The following PLCB4 variants were observed in gnomAD, a reference collection of about 807,000 sequenced individuals.
PLCB4 encodes phospholipase C beta 4.
In PLCB4, 77 loss-of-function variants were observed where a neutral mutation model predicts 178.8. That is an observed-to-expected ratio of 0.43 (90% CI 0.36 to 0.52). The LOEUF (loss-of-function observed/expected upper bound fraction) is 0.52. Among genes scored for constraint, PLCB4 ranks in the 20% least tolerant of loss-of-function variants. The pLI, the probability that PLCB4 is intolerant of heterozygous loss-of-function variation, is 0.00. For synonymous variants in PLCB4, 496 were observed against 490.8 expected, an observed-to-expected ratio of 1.01 and a Z score of -0.14; for missense variants, 1,024 against 1,453.4, an observed-to-expected ratio of 0.70 and a Z score of 4.80.
chr20:9,225,132 T>C (rs1361660868), intron 3 of PLCB4, among the ~76,000 whole-genome samples: 2 of 152,204 alleles, frequency 1.3e-5, no homozygotes, highest in Non-Finnish European at 2.9e-5. Context: ...GCTAGTAGCA[T>C]AAAGTGTTCA....
chr20:9,296,769 A>G (rs1401589976), intron 3 of PLCB4, among the ~76,000 whole-genome samples: 1 of 152,132 alleles, frequency 6.6e-6, no homozygotes, highest in Non-Finnish European at 1.5e-5. Flanking sequence ...CAAAAAACCA[A>G]ACACCGCATG....
chr20:9,417,789 A>G (rs2040354947), intron 25 of PLCB4, among the ~76,000 whole-genome samples: 1 of 152,164 alleles, frequency 6.6e-6, no homozygotes, highest in South Asian at 2.1e-4. Context: ...CTGTCTTTCT[A>G]AGTGAATGCA....
chr20:9,209,820 C>T (rs1031531075), intron 2 of PLCB4, among the ~76,000 whole-genome samples: 8 of 151,812 alleles, frequency 5.3e-5, no homozygotes, highest in South Asian at 4.2e-4. Flanking sequence ...AAAAATTAGC[C>T]GGGCGTGGTG....
chr20:9,096,183 A>G (rs1185050950), intron 1 of PLCB4, 104 bp from the exon 2 acceptor site: 1 of 152,220 alleles, frequency 6.6e-6, no homozygotes, highest in Non-Finnish European at 1.5e-5. Context: ...GTTTAATATT[A>G]TAAATGAAAC....
At chr20:9,084,978 G>A (rs978477371) in intron 1 of PLCB4, among the ~76,000 whole-genome samples, 2 of 151,286 alleles carry the variant, frequency 1.3e-5, no homozygotes, top group Non-Finnish European at 2.9e-5. Context: ...GCGTGAACCC[G>A]GGAGGTGGAG....
intron 9 of PLCB4, among the ~76,000 whole-genome samples, chr20:9,370,249 C>T (rs2036132141): frequency 6.6e-6 from 1 of 152,294 alleles, no homozygotes; most frequent in South Asian, 2.1e-4. Context: ...TCTTGGGGTA[C>T]TACTGAGATT....
At chr20:9,215,925 G>A (rs2093726004) in intron 2 of PLCB4, among the ~76,000 whole-genome samples, 1 of 152,100 alleles carries the variant, frequency 6.6e-6, no homozygotes. Flanking sequence ...TTAATAAAAT[G>A]ACCTGAGAAT....
intron 22 of PLCB4, 29 bp downstream of exon 22, chr20:9,408,087 T>G (rs1178142261): frequency 6.4e-7 from 1 of 1,572,238 alleles, no homozygotes; most frequent in Non-Finnish European, 8.6e-7. Context: ...TGCAGTCGCC[T>G]TTTTTGCTTG....
intron 3 of PLCB4, among the ~76,000 whole-genome samples, chr20:9,296,397 T>C (rs1304992365): frequency 1.3e-5 from 2 of 152,194 alleles, no homozygotes; most frequent in African/African-American, 2.4e-5. Context: ...AGGAACACTT[T>C]TACACTGTTG....
chr20:9,383,088 G>A (rs1602254355), intron 13 of PLCB4, among the ~76,000 whole-genome samples: 1 of 152,252 alleles, frequency 6.6e-6, no homozygotes, highest in Admixed American at 6.5e-5. Flanking sequence ...ATAGCAAGTT[G>A]CAAATGCACA....
chr20:9,439,803 A>G (rs1472978616), intron 30 of PLCB4, among the ~76,000 whole-genome samples: 1 of 152,236 alleles, frequency 6.6e-6, no homozygotes, highest in East Asian at 1.9e-4. Flanking sequence ...CACAATTTAT[A>G]TGGTCTGGGA....
chr20:9,389,783 C>T lies in PLCB4; in HGVS notation c.1159-96C>T, dbSNP rs1306459926. On this transcript the variant is annotated intron_variant, in intron 15 of 39. Transcript: ENST00000378473. The stretch of plus-strand genomic sequence containing the variant: ...TCCAGGTCTGAATTGCTGGAATTGA[C>T]TTTCTGAAAGACTCAATTAATAGTC... 6.0e-6 allele frequency: 4 copies of T among 663,984 alleles called. No individual in the cohort carries two copies. In the Admixed American group the frequency reaches 9.9e-5, roughly 17 times the overall value. The allele number at this position is 663,984 out of a possible 1,614,324, so 41.1% of individuals were successfully genotyped here. A position where few individuals can be genotyped will look rare whatever the true frequency, so the allele number is the denominator to read the frequency against.
At chr20:9,335,281 T>C (rs34224434) in intron 4 of PLCB4, among the ~76,000 whole-genome samples, 10,267 of 152,142 alleles carry the variant, frequency 0.067, 368 homozygotes, top group Middle Eastern at 0.1. Flanking sequence ...GCTTTTCAGG[T>C]GGCACGGAAG....
At chr20:9,257,547 A>G (rs1402198466) in intron 3 of PLCB4, among the ~76,000 whole-genome samples, 2 of 152,178 alleles carry the variant, frequency 1.3e-5, no homozygotes, top group African/African-American at 4.8e-5. Context: ...CCAAATTTTA[A>G]TCCAAATGTT....
rs75745213 is a variant in PLCB4 at position 9,341,539 on chromosome 20, T to C, written c.369+2502T>C. 4.3e-3 allele frequency among the ~76,000 whole-genome samples: 661 copies of C among 152,186 alleles called. 3 individuals are homozygous for C. The highest frequency in any genetic ancestry group is 6.4e-3 in the Non-Finnish European group (433 of 68,004). The stretch of plus-strand genomic sequence containing the variant: ...TGGATCATCATAAAAGTCTTTATCC[T>C]CATCATCCTCACGTTGAGTAAGCAG... On this transcript the variant is annotated intron_variant, in intron 7 of 39. Coordinates refer to ENST00000378473, the MANE Select transcript of PLCB4 (RefSeq NM_001377142.1).
intron 3 of PLCB4, among the ~76,000 whole-genome samples, chr20:9,289,044 T>C (rs943708129): frequency 3.9e-5 from 6 of 152,074 alleles, no homozygotes; most frequent in Non-Finnish European, 8.8e-5. Flanking sequence ...AGATATTTTA[T>C]CCCCAAAACT....
chr20:9,156,399 T>G (rs894052200), intron 2 of PLCB4, among the ~76,000 whole-genome samples: 2 of 152,144 alleles, frequency 1.3e-5, no homozygotes, highest in African/African-American at 4.8e-5. Context: ...CATTCTGAGA[T>G]GATGGAATTG....
At chr20:9,372,935 T>G (rs968915384) in intron 11 of PLCB4, 112 bp from the exon 12 acceptor site, 106 of 557,508 alleles carry the variant, frequency 1.9e-4, no homozygotes, top group Non-Finnish European at 3.2e-4. Context: ...CACCACTACT[T>G]CAGGGTTAGA....
At chr20:9,265,607 C>T (rs535218774) in intron 3 of PLCB4, among the ~76,000 whole-genome samples, 66 of 152,196 alleles carry the variant, frequency 4.3e-4, no homozygotes, top group Non-Finnish European at 4.6e-4. Context: ...GTTTTCGTTA[C>T]CAGTTCTGTG....
Sources: allele counts gnomAD v4.1 joint callset (sites outside exome capture counted in the v4.1 genomes callset), GRCh38; gene constraint gnomAD v4.1.1; transcripts MANE v1.5; gene names NCBI Gene and HGNC (gene_info 2026-07-23, HGNC 2026-07-21).